Variants in AP3M2 observed in about 807,000 individuals in gnomAD.
AP3M2 encodes AP-3 complex subunit mu-2.
Under a neutral mutation model 41.6 loss-of-function variants are expected in AP3M2, and 28 were observed. The ratio of observed to expected loss-of-function variants is 0.67; its 90% CI spans 0.50 to 0.92. The LOEUF (loss-of-function observed/expected upper bound fraction) is 0.92, where lower values mean the gene tolerates loss of function less well. AP3M2 is among the 40% of genes least tolerant of loss of function. The probability of loss-of-function intolerance (pLI) is 0.00; values close to 1 mark genes in which losing one functional copy is unlikely to be tolerated. For synonymous variants in AP3M2, 193 were observed against 186.4 expected, an observed-to-expected ratio of 1.04 and a Z score of -0.29; for missense variants, 427 against 521.4, an observed-to-expected ratio of 0.82 and a Z score of 1.76.
chr8:42,156,792 G>A (rs148552201), intron 2 of AP3M2, among the ~76,000 whole-genome samples: 50 of 152,214 alleles, frequency 3.3e-4, no homozygotes, highest in African/African-American at 1.1e-3. Flanking sequence ...TGGAAAGATG[G>A]TGAAACAACC....
chr8:42,159,940 A>G (rs970651925), intron 3 of AP3M2, among the ~76,000 whole-genome samples: 2 of 152,236 alleles, frequency 1.3e-5, no homozygotes, highest in African/African-American at 4.8e-5. Context: ...ACACAAGACA[A>G]ATATTCATAC....
intron 4 of AP3M2, among the ~76,000 whole-genome samples, chr8:42,164,516 A>G (rs2150959844): frequency 6.6e-6 from 1 of 152,330 alleles, no homozygotes; most frequent in East Asian, 1.9e-4. Flanking sequence ...TGTGCAAAGA[A>G]AGAGAACCTG....
chr8:42,163,312 A>T (rs959867482), intron 4 of AP3M2, among the ~76,000 whole-genome samples: 1 of 152,238 alleles, frequency 6.6e-6, no homozygotes, highest in Non-Finnish European at 1.5e-5. Flanking sequence ...AAAGAAAAAA[A>T]ATTGTAAAAA....
intron 3 of AP3M2, chr8:42,162,043 C>T (rs1804518930): frequency 2.9e-6 from 1 of 339,328 alleles, no homozygotes; most frequent in African/African-American, 2.1e-5. Context: ...ATATCTGTTT[C>T]TCAGGTAACT....
chr8:42,166,591 C>CAAAAAAAAAAAAAAAACAAAAAAAA (rs1804642880), intron 6 of AP3M2, among the ~76,000 whole-genome samples: 1 of 77,056 alleles, frequency 1.3e-5, no homozygotes, highest in African/African-American at 5.3e-5. Context: ...CTTGTCTCTA[C>CAAAAAAAAAAAAAAAACAAAAAAAA]AAAAAAAAAA....
At chr8:42,168,378 T>C (rs1804698804) in intron 8 of AP3M2, 1 of 340,354 alleles carries the variant, frequency 2.9e-6, no homozygotes, top group African/African-American at 2.1e-5. Context: ...CCTTAGAAAC[T>C]CTGTGATGTG....
chr8:42,168,440 G>A (rs1023727519), intron 8 of AP3M2, among the ~76,000 whole-genome samples: 12 of 152,024 alleles, frequency 7.9e-5, no homozygotes, highest in East Asian at 3.8e-4. Context: ...CTGTACAAAC[G>A]GGCCTTATAC....
At position 42,167,389 on chromosome 8, in the gene AP3M2, A is replaced by G; in HGVS notation, c.1011+18A>G. The G allele has an allele frequency of 1.2e-6, 2 of 1,611,602 alleles. No homozygotes were observed. Among genetic ancestry groups the G allele is most frequent in the Non-Finnish European group, 8.5e-7 (1 of 1,177,852 alleles). On this transcript the variant is annotated intron_variant, in intron 7 of 8. Transcript: ENST00000396926. ...TCACAAAGGTAGGGATGAGCAGGAC[A>G]TCTTGAATTGCTGATGTTAAGCAGA...
intron 6 of AP3M2, chr8:42,166,901 C>G (rs1227444669): frequency 4.5e-6 from 2 of 449,434 alleles, no homozygotes; most frequent in African/African-American, 3.9e-5. Flanking sequence ...TACATTATGC[C>G]TTTGTCATAG....
At chr8:42,155,061 ATC>A in intron 2 of AP3M2, 101 bp downstream of exon 2, 8 of 1,021,642 alleles carry the variant, frequency 7.8e-6, no homozygotes, top group Non-Finnish European at 1.0e-5. Flanking sequence ...AAAAAAAAAA[ATC>A]AAAACTCTGG....
intron 3 of AP3M2, among the ~76,000 whole-genome samples, chr8:42,161,796 T>C (rs1479940843): frequency 1.3e-5 from 2 of 152,160 alleles, no homozygotes; most frequent in African/African-American, 4.8e-5. Context: ...GAGATCAACT[T>C]TGTGTTCTTT....
At chr8:42,159,739 G>C (rs1393778104) in intron 3 of AP3M2, among the ~76,000 whole-genome samples, 1 of 151,972 alleles carries the variant, frequency 6.6e-6, no homozygotes, top group Non-Finnish European at 1.5e-5. Context: ...TTTTCATTAA[G>C]GTTTTACATT....
At position 42,158,115 on chromosome 8, in the gene AP3M2, A is replaced by T; in HGVS notation, c.445+3A>T. The T allele has an allele frequency of 6.2e-7, 1 of 1,611,834 alleles. No individual in the cohort carries two copies. The highest frequency in any genetic ancestry group is 8.5e-7 in the Non-Finnish European group (1 of 1,178,016). On this transcript the variant is annotated splice_donor_region_variant and intron_variant, in intron 3 of 8. Coordinates refer to ENST00000396926, the MANE Select transcript of AP3M2 (RefSeq NM_006803.4). Reference sequence around the variant, plus strand: ...AACGGTTGTCAACACCATCACAGGTACGGCAGAGGGGGAAACTGATAGATA... The same window carrying T: ...AACGGTTGTCAACACCATCACAGGTTCGGCAGAGGGGGAAACTGATAGATA...
chr8:42,156,425 T>C (rs1057352567), intron 2 of AP3M2, among the ~76,000 whole-genome samples: 1 of 152,168 alleles, frequency 6.6e-6, no homozygotes, highest in African/African-American at 2.4e-5. Context: ...AGGACCAGAA[T>C]GTGACAGGAG....
intron 8 of AP3M2, 24 bp downstream of exon 8, chr8:42,167,834 G>C (rs754468623): frequency 1.3e-6 from 2 of 1,584,998 alleles, no homozygotes; most frequent in Non-Finnish European, 1.7e-6. Context: ...AGCTCAAGAG[G>C]CTCCAAAGGG....
chr8:42,165,022 A>G, intron 4 of AP3M2, 49 bp from the exon 5 acceptor site: 1 of 1,533,728 alleles, frequency 6.5e-7, no homozygotes, highest in African/African-American at 1.4e-5. Context: ...TGAGAAGGAC[A>G]GAGAAGTATT....
chr8:42,166,520 A>G (rs1476302906), intron 6 of AP3M2, among the ~76,000 whole-genome samples: 1 of 149,470 alleles, frequency 6.7e-6, no homozygotes, highest in Non-Finnish European at 1.5e-5. Context: ...AAAAAATTAT[A>G]GAGACAAGAG....
In AP3M2 at chr8:42,169,141, G is replaced by C; in HGVS notation, c.*80G>C. The C allele has an allele frequency of 3.3e-6, 4 of 1,208,298 alleles. No individual in the cohort carries two copies. The highest frequency in any genetic ancestry group is 4.7e-6 in the Non-Finnish European group (4 of 859,926). 74.8% of individuals were successfully genotyped at this position (1,208,298 alleles called of 1,614,324 possible). A position where few individuals can be genotyped will look rare whatever the true frequency, so the allele number is the denominator to read the frequency against. On this transcript the variant is annotated 3_prime_UTR_variant, in exon 9 of 9. Transcript: ENST00000396926. ...TAAAAGTAAAAAAAAATATCAGCCT[G>C]TCTCCTAGGTCAGTCCCCTCCTGGA... is the stretch of plus-strand genomic sequence containing the variant.
intron 3 of AP3M2, among the ~76,000 whole-genome samples, chr8:42,161,596 G>A (rs973625708): frequency 1.3e-5 from 2 of 152,102 alleles, no homozygotes; most frequent in African/African-American, 4.8e-5. Context: ...GCGATAGAGC[G>A]AGACTCTATC....
Sources: allele counts gnomAD v4.1 joint callset (sites outside exome capture counted in the v4.1 genomes callset), GRCh38; gene constraint gnomAD v4.1.1; transcripts MANE v1.5; gene names NCBI Gene and HGNC (gene_info 2026-07-23, HGNC 2026-07-21).